PCDHA1: variants seen among roughly 807,000 people sequenced by gnomAD.
PCDHA1 encodes the protein protocadherin alpha-1.
A neutral mutation model predicts 61.3 loss-of-function variants in PCDHA1; 42 were observed. That is an observed-to-expected ratio of 0.69 (90% CI 0.54 to 0.89). The LOEUF (loss-of-function observed/expected upper bound fraction) is 0.89. PCDHA1 is among the 40% of genes least tolerant of loss of function. PCDHA1 has a pLI of 0.00. For missense variants in PCDHA1, 1,256 were observed against 1,235.3 expected (o/e 1.02, Z -0.25); for synonymous variants, 610 against 553.8 (o/e 1.10, Z -1.43).
chr5:140,841,421 T>C, intron 1 of PCDHA1: 6 of 1,612,988 alleles, frequency 3.7e-6, no homozygotes, highest in Non-Finnish European at 5.1e-6. Context: ...GCTCCACTAC[T>C]CCGTCCCCGA....
intron 1 of PCDHA1, among the ~76,000 whole-genome samples, chr5:140,844,211 T>G (rs1162021656): frequency 2.0e-5 from 3 of 149,836 alleles, no homozygotes; most frequent in Admixed American, 6.7e-5. Context: ...TGTCTGGTAG[T>G]CACAAATATC....
rs2150233452 is a variant in PCDHA1 at position 140,835,299 on chromosome 5, G to A, written c.2394+46615G>A. 44 of 1,612,788 alleles carry A rather than the reference G, an allele frequency of 2.7e-5. No homozygotes were observed. The East Asian group carries it at 6.0e-4, about 22-fold the overall frequency. On this transcript the variant is annotated intron_variant, in intron 1 of 3. Transcript: ENST00000504120. ...CTTAAGTGGGGCAATCACAGTGATA[G>A]GACATATGGATTTTGAAGAAAGTAG...
intron 1 of PCDHA1, chr5:140,805,489 A>C: frequency 1.0e-6 from 1 of 993,092 alleles, no homozygotes; most frequent in Non-Finnish European, 1.2e-6. Context: ...GGGAGCGTAA[A>C]GCTATTTTCA....
intron 1 of PCDHA1, chr5:140,883,598 G>T (rs782009650): frequency 1.2e-6 from 2 of 1,614,008 alleles, no homozygotes; most frequent in Middle Eastern, 1.7e-4. Flanking sequence ...CGTGTCGGTG[G>T]GGGTGGCCGA....
At chr5:140,915,105 C>T (rs1554196760) in intron 1 of PCDHA1, among the ~76,000 whole-genome samples, 1 of 152,020 alleles carries the variant, frequency 6.6e-6, no homozygotes, top group East Asian at 1.9e-4. Flanking sequence ...ACCACCACAA[C>T]ACCCACCTAA....
intron 1 of PCDHA1, chr5:140,808,228 C>T (rs1764128593): frequency 1.2e-6 from 2 of 1,614,106 alleles, no homozygotes; most frequent in African/African-American, 2.7e-5. Context: ...ACGATAATGT[C>T]CCAGATTTGG....
At chr5:140,958,078 G>A (rs1447110228) in intron 1 of PCDHA1, among the ~76,000 whole-genome samples, 1 of 152,064 alleles carries the variant, frequency 6.6e-6, no homozygotes, top group Admixed American at 6.6e-5. Flanking sequence ...GAAGCAAAAA[G>A]TAAAGTTGTA....
chr5:140,894,852 T>C (rs1366360589), intron 1 of PCDHA1, among the ~76,000 whole-genome samples: 2 of 152,200 alleles, frequency 1.3e-5, no homozygotes, highest in African/African-American at 2.4e-5. Flanking sequence ...CATTTTTATA[T>C]GAAAAGTGCT....
At position 140,788,303 on chromosome 5, in the gene PCDHA1, G is replaced by A. The variant is rs1554118217; in HGVS notation, c.2013G>A (p.Glu671=). The A allele has an allele frequency of 1.2e-6, 2 of 1,614,024 alleles. No homozygotes were observed. The highest frequency in any genetic ancestry group is 2.2e-5 in the East Asian group (1 of 44,884). The change falls in exon 1 of 4, where the codon GAG becomes GAA. Residue 671 remains glutamate (E), a synonymous_variant. Transcript: ENST00000504120. ...CCACTGTGCTTGTATCTCTGGTGGAGAGCGGCCAGGCGCCAAAGGCGTCTT... is the reference window on the plus strand; with the variant it reads ...CCACTGTGCTTGTATCTCTGGTGGAAAGCGGCCAGGCGCCAAAGGCGTCTT... ...ATATVLVSLV[E]SGQAPKASSR...
At position 140,928,541 on chromosome 5, in the gene PCDHA1, A is replaced by G. The variant is rs149868042; in HGVS notation, c.2395-50408A>G. On this transcript the variant is annotated intron_variant, in intron 1 of 3. Transcript: ENST00000504120. ...AACTTGTTTGTGGTAGATAGGAATG[A>G]CAATTATCCGGTTATCTTGTTTCCC... 2 of 1,614,192 alleles carry G rather than the reference A, an allele frequency of 1.2e-6. No homozygotes were observed. Among genetic ancestry groups the G allele is most frequent in the African/African-American group, 1.3e-5 (1 of 75,044 alleles).
intron 3 of PCDHA1, among the ~76,000 whole-genome samples, chr5:140,998,568 A>AG (rs1167593072): frequency 3.1e-5 from 3 of 96,370 alleles, no homozygotes; most frequent in African/African-American, 1.3e-4. Context: ...ATTGTAAATA[A>AG]GTTTTTTTTT....
chr5:140,886,886 T>C (rs1554182794), intron 1 of PCDHA1, among the ~76,000 whole-genome samples: 1 of 151,610 alleles, frequency 6.6e-6, no homozygotes, highest in African/African-American at 2.4e-5. Flanking sequence ...CATTCATTAA[T>C]TAAATGCATT....
At chr5:140,945,630 A>C (rs1445072054) in intron 1 of PCDHA1, among the ~76,000 whole-genome samples, 1 of 152,166 alleles carries the variant, frequency 6.6e-6, no homozygotes, top group African/African-American at 2.4e-5. Context: ...CTGGCATAAA[A>C]GACATGTAGA....
intron 1 of PCDHA1, chr5:140,871,073 C>A: frequency 1.2e-6 from 2 of 1,613,208 alleles, no homozygotes; most frequent in Non-Finnish European, 8.5e-7. Context: ...GGTGAGCCGG[C>A]GCTGACGGCC....
At position 140,982,572 on chromosome 5, in the gene PCDHA1, C is replaced by G. The variant is rs782271002; in HGVS notation, c.2542+9C>G. 1 of 1,613,760 alleles carries G rather than the reference C, an allele frequency of 6.2e-7. No homozygotes were observed. Among genetic ancestry groups the G allele is most frequent in the Non-Finnish European group, 8.5e-7 (1 of 1,179,726 alleles). On this transcript the variant is annotated intron_variant, in intron 3 of 3. Transcript: ENST00000504120. ...ATCCAGTGCAACACCAGGTAAAGAGCTGGGGTCTCTCCATTCTTTCTTGGT... is the reference window on the plus strand; with the variant it reads ...ATCCAGTGCAACACCAGGTAAAGAGGTGGGGTCTCTCCATTCTTTCTTGGT...
chr5:140,877,467 G>A (rs1554169776), intron 1 of PCDHA1: 1 of 1,613,750 alleles, frequency 6.2e-7, no homozygotes, highest in African/African-American at 1.3e-5. Flanking sequence ...CGGCCACGGT[G>A]CTGGTGTCGC....
At chr5:140,968,173 C>T (rs782043932) in intron 1 of PCDHA1, 10 of 1,614,104 alleles carry the variant, frequency 6.2e-6, no homozygotes, top group Admixed American at 1.7e-5. Flanking sequence ...CACCAAGCTT[C>T]CTGGAGGACT....
At chr5:140,983,473 ATAG>A (rs746174585) in intron 3 of PCDHA1, among the ~76,000 whole-genome samples, 7 of 152,242 alleles carry the variant, frequency 4.6e-5, no homozygotes, top group Admixed American at 6.5e-5. Flanking sequence ...CATGATGATA[ATAG>A]TAGTTACTAA....
chr5:140,927,128 A>T (rs2083872958), intron 1 of PCDHA1: 2 of 1,613,878 alleles, frequency 1.2e-6, no homozygotes, highest in Non-Finnish European at 1.7e-6. Context: ...GTGGTCAGAG[A>T]GCCGGCGGAC....
Sources: gnomAD v4.1 joint callset for allele counts (sites outside exome capture counted in the v4.1 genomes callset) on GRCh38, gnomAD v4.1.1 for gene constraint, MANE v1.5 for transcripts, NCBI Gene and HGNC (gene_info 2026-07-23, HGNC 2026-07-21) for gene names.